VDAC1: variants seen among roughly 807,000 people sequenced by gnomAD.
VDAC1 encodes the protein non-selective voltage-gated ion channel VDAC1.
Under a neutral mutation model 34.7 loss-of-function variants are expected in VDAC1, and 10 were observed. That is an observed-to-expected ratio of 0.29 (90% CI 0.18 to 0.49). VDAC1 has a LOEUF of 0.49. VDAC1 is among the 20% of genes least tolerant of loss of function. The probability of loss-of-function intolerance (pLI) is 0.99; values close to 1 mark genes in which losing one functional copy is unlikely to be tolerated. For synonymous variants in VDAC1, 130 were observed against 136.0 expected (o/e 0.96, Z 0.30); for missense variants, 230 against 347.9 (o/e 0.66, Z 2.69).
chr5:134,090,979 T>A, the VDAC1 span, among the ~76,000 whole-genome samples: 3 of 152,162 alleles, frequency 2.0e-5, no homozygotes, highest in Non-Finnish European at 2.9e-5. Flanking sequence ...CTACCCCTGA[T>A]CTGTGGTCAG....
chr5:134,092,861 C>A, the VDAC1 span, among the ~76,000 whole-genome samples: 1 of 152,124 alleles, frequency 6.6e-6, no homozygotes, highest in Non-Finnish European at 1.5e-5. Context: ...TAGATTTGCA[C>A]GCAAGTCTTC....
chr5:134,076,772 G>A, the VDAC1 span, among the ~76,000 whole-genome samples: 2 of 152,156 alleles, frequency 1.3e-5, no homozygotes, highest in Non-Finnish European at 2.9e-5. Flanking sequence ...AGAGGCCTTA[G>A]GTACAGGAGG....
chr5:133,979,947 G>A (rs960279979), intron 6 of VDAC1, among the ~76,000 whole-genome samples: 3 of 151,954 alleles, frequency 2.0e-5, no homozygotes, highest in Non-Finnish European at 4.4e-5. Context: ...CCAAATTAAT[G>A]ATAAAAATTC....
intron 1 of VDAC1, among the ~76,000 whole-genome samples, chr5:134,002,180 C>G (rs1377431391): frequency 6.6e-6 from 1 of 152,096 alleles, no homozygotes; most frequent in Non-Finnish European, 1.5e-5. Flanking sequence ...AGGTTGGATG[C>G]CCTTCACCTC....
intron 1 of VDAC1, among the ~76,000 whole-genome samples, chr5:134,003,066 TG>T (rs1420553623): frequency 6.6e-6 from 1 of 150,842 alleles, no homozygotes; most frequent in Admixed American, 6.7e-5. Flanking sequence ...GCACCTACTA[TG>T]GGCCATGTAC....
Position 133,972,749 on chromosome 5 carries a change from T to C in VDAC1, c.*22A>G. On this transcript the variant is annotated 3_prime_UTR_variant, in exon 9 of 9. Coordinates refer to ENST00000265333, the MANE Select transcript of VDAC1 (RefSeq NM_003374.3). ...GCTATGCTGCAAAATAGTTTAAAAT[T>C]AAACAATTGTACAGTATTCATTTAT... 7.1e-7 allele frequency: 1 copy of C among 1,409,356 alleles called. No homozygotes were observed. The highest frequency in any genetic ancestry group is 9.9e-7 in the Non-Finnish European group (1 of 1,006,252). 87.3% of individuals were successfully genotyped at this position (1,409,356 alleles called of 1,614,324 possible).
chr5:134,048,663 C>A, the VDAC1 span, among the ~76,000 whole-genome samples: 89 of 152,206 alleles, frequency 5.8e-4, no homozygotes, highest in Admixed American at 1.5e-3. Flanking sequence ...CCACCCAATG[C>A]CCTCATTATT....
At chr5:134,026,517 A>G in the VDAC1 span, among the ~76,000 whole-genome samples, 1 of 49,312 alleles carries the variant, frequency 2.0e-5, no homozygotes, top group African/African-American at 7.4e-5. Context: ...TCCGTCTCAG[A>G]AAAAAAAAAA....
At chr5:134,029,271 C>T in the VDAC1 span, among the ~76,000 whole-genome samples, 1 of 152,196 alleles carries the variant, frequency 6.6e-6, no homozygotes, top group Non-Finnish European at 1.5e-5. Flanking sequence ...AGACTCTGTG[C>T]CTAACAGCAC....
the VDAC1 span, among the ~76,000 whole-genome samples, chr5:134,051,109 C>T: frequency 7.2e-4 from 110 of 152,344 alleles, no homozygotes; most frequent in African/African-American, 2.5e-3. Flanking sequence ...GAGGACAGAG[C>T]ACCTTCTTCC....
At chr5:134,024,149 A>G in the VDAC1 span, among the ~76,000 whole-genome samples, 7 of 146,080 alleles carry the variant, frequency 4.8e-5, no homozygotes, top group South Asian at 1.1e-3. Context: ...TCTCCAGAGG[A>G]AAAAAAAAAA....
the VDAC1 span, among the ~76,000 whole-genome samples, chr5:134,022,434 A>G: frequency 0.02 from 3,112 of 152,334 alleles, 52 homozygotes; most frequent in Middle Eastern, 0.041. Context: ...GTATCATCCC[A>G]TAGTGGAAGA....
At chr5:134,039,502 G>A in the VDAC1 span, among the ~76,000 whole-genome samples, 1 of 101,278 alleles carries the variant, frequency 9.9e-6, no homozygotes, top group Non-Finnish European at 2.3e-5. Flanking sequence ...CTAATTTTTT[G>A]TATTTTTAGT....
chr5:134,033,295 C>T, the VDAC1 span, among the ~76,000 whole-genome samples: 4 of 151,018 alleles, frequency 2.6e-5, no homozygotes. Flanking sequence ...GTAGCTGGGG[C>T]TACAGGCGCC....
At chr5:134,039,149 C>A in the VDAC1 span, among the ~76,000 whole-genome samples, 3 of 152,130 alleles carry the variant, frequency 2.0e-5, no homozygotes, top group East Asian at 5.8e-4. Context: ...CCACCTCAAT[C>A]GTCCTCCCTT....
the VDAC1 span, among the ~76,000 whole-genome samples, chr5:134,046,581 A>C: frequency 6.6e-6 from 1 of 152,240 alleles, no homozygotes; most frequent in Non-Finnish European, 1.5e-5. Context: ...ATCTTGGGGC[A>C]GGTGGACAGT....
the VDAC1 span, among the ~76,000 whole-genome samples, chr5:134,051,988 G>A: frequency 6.6e-6 from 1 of 152,086 alleles, no homozygotes; most frequent in African/African-American, 2.4e-5. Flanking sequence ...GTGAGCCACT[G>A]CATAAGGCCG....
At chr5:134,063,351 C>G in the VDAC1 span, among the ~76,000 whole-genome samples, 1 of 152,180 alleles carries the variant, frequency 6.6e-6, no homozygotes, top group Non-Finnish European at 1.5e-5. Context: ...GTTTACTTAA[C>G]AGTCTTGGTT....
intron 3 of VDAC1, among the ~76,000 whole-genome samples, chr5:133,992,073 T>A (rs1177509736): frequency 6.6e-6 from 1 of 151,960 alleles, no homozygotes; most frequent in African/African-American, 2.4e-5. Flanking sequence ...CCCGTCTCTA[T>A]TAAAAATACA....
Sources: gnomAD v4.1 joint callset for allele counts (sites outside exome capture counted in the v4.1 genomes callset) on GRCh38, gnomAD v4.1.1 for gene constraint, MANE v1.5 for transcripts, NCBI Gene and HGNC (gene_info 2026-07-23, HGNC 2026-07-21) for gene names.